Variants in KATNAL1 observed in about 807,000 individuals in gnomAD.
KATNAL1 encodes the protein katanin catalytic subunit A1 like 1.
KATNAL1 carries 32 observed loss-of-function variants against 55.2 expected under a neutral mutation model. The ratio of observed to expected loss-of-function variants is 0.58; its 90% CI spans 0.44 to 0.78. KATNAL1 has a LOEUF of 0.78. Ranked by LOEUF, KATNAL1 falls within the 30% of genes least tolerant of loss-of-function variation. The pLI is 0.00. For synonymous variants in KATNAL1, 193 were observed against 193.6 expected (o/e 1.00, Z 0.02); for missense variants, 466 against 600.9 (o/e 0.78, Z 2.35).
At chr13:30,262,671 A>C (rs1435290678) in intron 3 of KATNAL1, among the ~76,000 whole-genome samples, 7 of 152,110 alleles carry the variant, frequency 4.6e-5, no homozygotes, top group Admixed American at 1.3e-4. Flanking sequence ...TAAACCAGGA[A>C]GAAGTTGAAT....
chr13:30,208,836 T>G, intron 10 of KATNAL1, 98 bp from the exon 11 acceptor site: 1 of 837,182 alleles, frequency 1.2e-6, no homozygotes, highest in Non-Finnish European at 1.8e-6. Flanking sequence ...AAAGATTATT[T>G]TATATGTTTT....
intron 3 of KATNAL1, among the ~76,000 whole-genome samples, chr13:30,267,963 C>T (rs1424404692): frequency 6.6e-6 from 1 of 152,148 alleles, no homozygotes; most frequent in African/African-American, 2.4e-5. Flanking sequence ...CAAAGGACAA[C>T]CACCTTGGTA....
At chr13:30,291,023 C>G (rs1039367985) in intron 1 of KATNAL1, among the ~76,000 whole-genome samples, 2 of 152,168 alleles carry the variant, frequency 1.3e-5, no homozygotes, top group Non-Finnish European at 2.9e-5. Flanking sequence ...AAATGCTCTC[C>G]AAGATCAAGA....
intron 4 of KATNAL1, among the ~76,000 whole-genome samples, chr13:30,243,599 G>A (rs1877481214): frequency 9.0e-6 from 1 of 111,640 alleles, no homozygotes; most frequent in Admixed American, 1.1e-4. Context: ...GGCCTACTAG[G>A]TATTAAGCCA....
intron 9 of KATNAL1, among the ~76,000 whole-genome samples, chr13:30,227,113 A>ACACACT (rs140776747): frequency 4.6e-5 from 7 of 151,122 alleles, no homozygotes; most frequent in Non-Finnish European, 1.0e-4. Flanking sequence ...ACACACACAC[A>ACACACT]CTCTCTCTCT....
At chr13:30,284,672 C>A (rs761452954) in intron 1 of KATNAL1, among the ~76,000 whole-genome samples, 4 of 152,158 alleles carry the variant, frequency 2.6e-5, no homozygotes, top group Admixed American at 2.6e-4. Flanking sequence ...AATTTGTAAT[C>A]TTCTAAGACC....
chr13:30,259,036 C>G (rs1879023420), intron 3 of KATNAL1, among the ~76,000 whole-genome samples: 1 of 152,160 alleles, frequency 6.6e-6, no homozygotes, highest in Admixed American at 6.5e-5. Flanking sequence ...CTATGCTATA[C>G]AACGTAAAAG....
At chr13:30,266,072 T>A (rs1175166640) in intron 3 of KATNAL1, among the ~76,000 whole-genome samples, 1 of 146,414 alleles carries the variant, frequency 6.8e-6, no homozygotes. Flanking sequence ...TGGAGTGCAG[T>A]GGCCCACTCT....
At chr13:30,302,337 T>C (rs1207962342) in intron 1 of KATNAL1, among the ~76,000 whole-genome samples, 1 of 152,236 alleles carries the variant, frequency 6.6e-6, no homozygotes, top group Non-Finnish European at 1.5e-5. Flanking sequence ...CATAAAATTC[T>C]TGACTTCAAA....
chr13:30,240,332 T>G (rs776746909), intron 6 of KATNAL1, 128 bp downstream of exon 6: 3 of 619,048 alleles, frequency 4.8e-6, no homozygotes, highest in African/African-American at 1.8e-5. Context: ...CCAGGTGTTT[T>G]GGGTGTACAT....
At chr13:30,267,845 C>T (rs1289037944) in intron 3 of KATNAL1, among the ~76,000 whole-genome samples, 1 of 152,130 alleles carries the variant, frequency 6.6e-6, no homozygotes, top group Non-Finnish European at 1.5e-5. Flanking sequence ...GGGCCTCAGA[C>T]ATCCGAGGGC....
chr13:30,209,297 T>C (rs1224523866), intron 10 of KATNAL1, among the ~76,000 whole-genome samples: 2 of 152,136 alleles, frequency 1.3e-5, no homozygotes, highest in African/African-American at 4.8e-5. Flanking sequence ...TAAATAAATA[T>C]GAAGGTCTGG....
chr13:30,208,305 T>C lies in KATNAL1; in HGVS notation c.*235A>G. 2.3e-6 allele frequency: 1 copy of C among 429,184 alleles called. No homozygotes were observed. Among genetic ancestry groups the C allele is most frequent in the Non-Finnish European group, 4.1e-6 (1 of 242,146 alleles). 26.6% of individuals were successfully genotyped at this position (429,184 alleles called of 1,614,324 possible). On this transcript the variant is annotated 3_prime_UTR_variant, in exon 11 of 11. Transcript: ENST00000380615. The stretch of plus-strand genomic sequence containing the variant: ...CTGATAGACTGGTTTGGGTGTGCAA[T>C]ATTAATGCAGGAATACGTGGAATAC...
intron 1 of KATNAL1, among the ~76,000 whole-genome samples, chr13:30,287,666 AC>A (rs1305532905): frequency 3.9e-5 from 6 of 152,240 alleles, no homozygotes; most frequent in African/African-American, 1.4e-4. Flanking sequence ...TTAACACGAA[AC>A]AATATGGCCT....
chr13:30,269,603 C>T lies in KATNAL1; in HGVS notation c.323+10460G>A, dbSNP rs540995892. 1.9e-4 allele frequency among the ~76,000 whole-genome samples: 29 copies of T among 150,840 alleles called. No individual in the cohort carries two copies. In the South Asian group the frequency reaches 2.7e-3, roughly 14 times the overall value. On this transcript the variant is annotated intron_variant, in intron 3 of 10. Coordinates refer to ENST00000380615, the MANE Select transcript of KATNAL1 (RefSeq NM_032116.5). The stretch of plus-strand genomic sequence containing the variant: ...AAAGTGAGGAGCGTCTCTGCCCGGC[C>T]GCCATCCCATCTAGGAAGTGAGGAG...
At chr13:30,252,813 GCTCACTGCAAC>G (rs1281136318) in intron 4 of KATNAL1, among the ~76,000 whole-genome samples, 1 of 151,622 alleles carries the variant, frequency 6.6e-6, no homozygotes. Context: ...CTGGATCTCA[GCTCACTGCAAC>G]CTCTGCCTCC....
chr13:30,261,457 G>A (rs1381425893), intron 3 of KATNAL1, among the ~76,000 whole-genome samples: 1 of 152,204 alleles, frequency 6.6e-6, no homozygotes, highest in African/African-American at 2.4e-5. Flanking sequence ...TCAGTGTGCT[G>A]TATTCAGGAG....
intron 2 of KATNAL1, among the ~76,000 whole-genome samples, chr13:30,283,065 C>A (rs1156715201): frequency 2.7e-5 from 4 of 150,904 alleles, no homozygotes; most frequent in African/African-American, 9.7e-5. Flanking sequence ...GTCAGGAATT[C>A]AAGACCAGCC....
intron 6 of KATNAL1, among the ~76,000 whole-genome samples, chr13:30,235,878 ATTGAT>A (rs2032555858): frequency 6.6e-6 from 1 of 152,186 alleles, no homozygotes; most frequent in South Asian, 2.1e-4. Flanking sequence ...ATAGCCTATT[ATTGAT>A]TTGAAGACTT....
Sources: gnomAD v4.1 joint callset for allele counts (sites outside exome capture counted in the v4.1 genomes callset) on GRCh38, gnomAD v4.1.1 for gene constraint, MANE v1.5 for transcripts, NCBI Gene and HGNC (gene_info 2026-07-23, HGNC 2026-07-21) for gene names.